Variants in ZFHX3 observed in about 807,000 individuals in gnomAD.
The protein encoded by ZFHX3 is zinc finger homeobox protein 3.
ZFHX3 carries 42 observed loss-of-function variants against 279.1 expected under a neutral mutation model. The observed-to-expected ratio is 0.15, with a 90% confidence interval of 0.12 to 0.19. The LOEUF is 0.19. Ranked by LOEUF, ZFHX3 falls within the 10% of genes least tolerant of loss-of-function variation. The pLI is 1.00. For missense variants in ZFHX3, 4,981 were observed against 4,754.0 expected (o/e 1.05, Z -1.40); for synonymous variants, 2,293 against 1,957.8 (o/e 1.17, Z -4.52).
At chr16:73,791,830 T>C (rs1477761061) in intron 1 of ZFHX3, among the ~76,000 whole-genome samples, 1 of 152,216 alleles carries the variant, frequency 6.6e-6, no homozygotes, top group East Asian at 1.9e-4. Context: ...TTAATGAAAA[T>C]AAATGAGTGT....
chr16:73,859,160 A>T (rs1597147120), intron 1 of ZFHX3, among the ~76,000 whole-genome samples: 1 of 152,222 alleles, frequency 6.6e-6, no homozygotes, highest in African/African-American at 2.4e-5. Flanking sequence ...TGCAGGTCCC[A>T]GTTGAGGACT....
intron 3 of ZFHX3, among the ~76,000 whole-genome samples, chr16:73,341,267 G>A (rs2016028356): frequency 6.6e-6 from 1 of 152,106 alleles, no homozygotes; most frequent in South Asian, 2.1e-4. Context: ...TTTGAGCCTG[G>A]GAGGCAGAGG....
At chr16:73,093,952 G>A (rs1211300152) in intron 7 of ZFHX3, among the ~76,000 whole-genome samples, 3 of 152,152 alleles carry the variant, frequency 2.0e-5, no homozygotes, top group Non-Finnish European at 2.9e-5. Context: ...GGCATGGCAC[G>A]GGTGAGTCCT....
chr16:73,018,133 G>T (rs1964169967), intron 1 of ZFHX3, among the ~76,000 whole-genome samples: 1 of 151,754 alleles, frequency 6.6e-6, no homozygotes, highest in African/African-American at 2.4e-5. Flanking sequence ...CTACAGGCAT[G>T]CGCCATCACA....
At chr16:73,830,472 CTG>C (rs1960965004) in intron 1 of ZFHX3, among the ~76,000 whole-genome samples, 1 of 152,234 alleles carries the variant, frequency 6.6e-6, no homozygotes, top group Non-Finnish European at 1.5e-5. Flanking sequence ...CAAGGGTTAA[CTG>C]TGGCAAGCTA....
At chr16:73,767,998 G>A (rs1345270225) in intron 1 of ZFHX3, among the ~76,000 whole-genome samples, 1 of 152,144 alleles carries the variant, frequency 6.6e-6, no homozygotes, top group Non-Finnish European at 1.5e-5. Context: ...ATCTGAAGAG[G>A]CATGGCACAC....
At chr16:72,910,467 T>C (rs532917567) in intron 3 of ZFHX3, among the ~76,000 whole-genome samples, 2 of 152,294 alleles carry the variant, frequency 1.3e-5, no homozygotes, top group African/African-American at 4.8e-5. Flanking sequence ...AAAAATGAAG[T>C]ATTTAGGTGT....
At chr16:73,309,906 C>T (rs1196145295) in intron 4 of ZFHX3, among the ~76,000 whole-genome samples, 17 of 114,394 alleles carry the variant, frequency 1.5e-4, no homozygotes, top group South Asian at 3.2e-4. Context: ...TTTTTCTTGC[C>T]TTTTTTTTTT....
chr16:73,711,260 CA>C (rs113823527), intron 1 of ZFHX3, among the ~76,000 whole-genome samples: 3,502 of 147,410 alleles, frequency 0.024, 163 homozygotes, highest in African/African-American at 0.082. Flanking sequence ...AGAGGTGGGC[CA>C]AAAAAAAACC....
At chr16:73,058,081 GCCGCCCTC>G (rs1965601939) in intron 1 of ZFHX3, among the ~76,000 whole-genome samples, 1 of 143,348 alleles carries the variant, frequency 7.0e-6, no homozygotes, top group African/African-American at 2.5e-5. Flanking sequence ...TGGTACCCCG[GCCGCCCTC>G]CCGCCCTCGG....
exon 1 of ZFHX3, chr16:73,058,744 G>C (rs1965630162): frequency 6.5e-6 from 1 of 153,438 alleles, no homozygotes; most frequent in South Asian, 1.8e-4. Context: ...GAGCGCGCTC[G>C]GCGGAGCCCG....
At chr16:73,260,680 GTTTTTTTTTT>G (rs370384540) in intron 4 of ZFHX3, among the ~76,000 whole-genome samples, 2 of 88,406 alleles carry the variant, frequency 2.3e-5, no homozygotes, top group South Asian at 1.0e-3. Flanking sequence ...CACCTATCTG[GTTTTTTTTTT>G]TTTTTTTTTT....
chr16:73,736,598 C>T (rs1339224910), intron 1 of ZFHX3, among the ~76,000 whole-genome samples: 3 of 152,174 alleles, frequency 2.0e-5, no homozygotes, highest in Non-Finnish European at 4.4e-5. Flanking sequence ...AGAAAAATGC[C>T]CTGCTTTTCT....
intron 1 of ZFHX3, among the ~76,000 whole-genome samples, chr16:73,709,710 T>A (rs1349645405): frequency 6.6e-6 from 1 of 152,120 alleles, no homozygotes; most frequent in Admixed American, 6.5e-5. Flanking sequence ...TACAACATGA[T>A]GACTATAGAC....
chr16:72,996,364 G>T (rs551987267), intron 1 of ZFHX3, among the ~76,000 whole-genome samples: 22 of 151,548 alleles, frequency 1.5e-4, no homozygotes, highest in Admixed American at 1.3e-3. Flanking sequence ...CATGGACAAT[G>T]ATCAGTCCAA....
intron 2 of ZFHX3, among the ~76,000 whole-genome samples, chr16:73,657,815 A>G (rs1191485248): frequency 1.3e-5 from 2 of 152,160 alleles, no homozygotes; most frequent in Admixed American, 6.5e-5. Context: ...ATTCCGTTGT[A>G]TGGATATACC....
At position 73,789,719 on chromosome 16, in the gene ZFHX3, G is replaced by A. The variant is rs570966502; in HGVS notation, c.-1608+101932C>T. ...CAGGCAGCAATTGTACAGTCAAACC[G>A]TATCCAGTCAACAGAATGTGCTTCT... On this transcript the variant is annotated intron_variant, in intron 1 of 17. Transcript: ENST00000641206. 4.3e-4 allele frequency among the ~76,000 whole-genome samples: 65 copies of A among 152,194 alleles called. 1 individual carries two copies. In the East Asian group the frequency reaches 0.011, roughly 25 times the overall value.
chr16:73,405,302 CAAG>C lies in ZFHX3; in HGVS notation c.-1291+50698_-1291+50700del, dbSNP rs2017337738. ...TTATTCTGTTTTTTTCCACATCTAC[CAAG>C]AAGGACTAAGGCTTAGCTGTACTAC... On this transcript the variant is annotated intron_variant, in intron 3 of 17. Coordinates refer to the ZFHX3 transcript ENST00000641206. Among the ~76,000 whole-genome samples, 3 of 152,254 alleles carry C rather than the reference CAAG, an allele frequency of 2.0e-5. No homozygotes were observed. In the South Asian group the frequency reaches 6.2e-4, roughly 32 times the overall value.
At chr16:73,453,656 C>T (rs1485000798) in intron 3 of ZFHX3, among the ~76,000 whole-genome samples, 2 of 152,200 alleles carry the variant, frequency 1.3e-5, no homozygotes, top group Non-Finnish European at 2.9e-5. Context: ...GTGTATTAGT[C>T]TGTTTTCATG....
Sources: allele counts gnomAD v4.1 joint callset (sites outside exome capture counted in the v4.1 genomes callset), GRCh38; gene constraint gnomAD v4.1.1; transcripts MANE v1.5; gene names NCBI Gene and HGNC (gene_info 2026-07-23, HGNC 2026-07-21).